Variants in AKAP6 observed in about 807,000 individuals in gnomAD.
AKAP6 encodes A-kinase anchoring protein 6.
In AKAP6, 58 loss-of-function variants were observed where a neutral mutation model predicts 188.5. That is an observed-to-expected ratio of 0.31 (90% CI 0.25 to 0.38). The LOEUF (loss-of-function observed/expected upper bound fraction) is 0.38. AKAP6 is among the 10% of genes least tolerant of loss of function. The probability of loss-of-function intolerance (pLI) is 1.00; values close to 1 mark genes in which losing one functional copy is unlikely to be tolerated. For missense variants in AKAP6, 2,710 were observed against 2,740.0 expected (o/e 0.99, Z 0.24); for synonymous variants, 989 against 998.6 (o/e 0.99, Z 0.18).
At chr14:32,720,628 G>C (rs1389078982) in intron 9 of AKAP6, among the ~76,000 whole-genome samples, 1 of 152,178 alleles carries the variant, frequency 6.6e-6, no homozygotes, top group African/African-American at 2.4e-5. Flanking sequence ...AGAACAGCTA[G>C]AATCAAAGAT....
At chr14:32,440,540 T>C (rs1342935808) in intron 2 of AKAP6, among the ~76,000 whole-genome samples, 2 of 152,196 alleles carry the variant, frequency 1.3e-5, no homozygotes, top group Non-Finnish European at 2.9e-5. Context: ...ATGTATTTTT[T>C]TGAATCAACG....
intron 1 of AKAP6, among the ~76,000 whole-genome samples, chr14:32,333,714 A>AT (rs1352517005): frequency 2.0e-5 from 3 of 152,014 alleles, no homozygotes; most frequent in African/African-American, 7.2e-5. Context: ...GGCAATTAGT[A>AT]TTTTTTTGGT....
At chr14:32,419,254 A>G (rs553171441) in intron 1 of AKAP6, among the ~76,000 whole-genome samples, 47 of 152,338 alleles carry the variant, frequency 3.1e-4, no homozygotes, top group African/African-American at 1.1e-3. Flanking sequence ...CTGGATATTA[A>G]CAGCCCTTGC....
At chr14:32,745,773 C>A (rs1165872457) in intron 11 of AKAP6, among the ~76,000 whole-genome samples, 1 of 152,194 alleles carries the variant, frequency 6.6e-6, no homozygotes, top group Non-Finnish European at 1.5e-5. Flanking sequence ...TTCTCCCAGG[C>A]CCCTGTTGGG....
At position 32,438,327 on chromosome 14, in the gene AKAP6, T is replaced by G. The variant is rs530235250; in HGVS notation, c.324+4510T>G. ...TCTCACATCCCCCTTTTTGTTGTAC[T>G]CCTTCTTTGGTAATGATTTCGGTTA... is the stretch of plus-strand genomic sequence containing the variant. On this transcript the variant is annotated intron_variant, in intron 2 of 13. Transcript: ENST00000280979. 4.6e-5 allele frequency among the ~76,000 whole-genome samples: 7 copies of G among 152,314 alleles called. No homozygotes were observed. In the East Asian group the frequency reaches 1.4e-3, roughly 29 times the overall value.
intron 3 of AKAP6, among the ~76,000 whole-genome samples, chr14:32,536,993 T>G (rs1188031666): frequency 6.6e-6 from 1 of 152,220 alleles, no homozygotes; most frequent in East Asian, 1.9e-4. Context: ...TATAAGGCAC[T>G]TACATTAATA....
chr14:32,759,149 G>T (rs2032451387), intron 11 of AKAP6, among the ~76,000 whole-genome samples: 2 of 152,120 alleles, frequency 1.3e-5, no homozygotes, highest in African/African-American at 4.8e-5. Context: ...GCTCTAAATG[G>T]CTGATTAAAT....
At chr14:32,827,122 C>T (rs1018323083) in intron 13 of AKAP6, among the ~76,000 whole-genome samples, 1 of 152,096 alleles carries the variant, frequency 6.6e-6, no homozygotes, top group Non-Finnish European at 1.5e-5. Flanking sequence ...ATTATTTAAT[C>T]TCAAAATGTT....
rs534187616 is a variant in AKAP6 at position 32,803,368 on chromosome 14, C to G, written c.3589-18034C>G. Among the ~76,000 whole-genome samples, 164 of 151,630 alleles carry G rather than the reference C, an allele frequency of 1.1e-3. 3 individuals carry two copies. The highest frequency in any genetic ancestry group is 4.0e-3 in the South Asian group (19 of 4,796). ...TGCTGATCATGTCGGGTATACATAA[C>G]AAGCCATCAAATATTTACAGGTGTT... is the stretch of plus-strand genomic sequence containing the variant. On this transcript the variant is annotated intron_variant, in intron 12 of 13. Coordinates refer to ENST00000280979, the MANE Select transcript of AKAP6 (RefSeq NM_004274.5).
chr14:32,616,629 G>A (rs1304490896), intron 7 of AKAP6, among the ~76,000 whole-genome samples: 1 of 151,974 alleles, frequency 6.6e-6, no homozygotes, highest in African/African-American at 2.4e-5. Flanking sequence ...GAAAGCATTA[G>A]GAAAAATAAC....
intron 1 of AKAP6, among the ~76,000 whole-genome samples, chr14:32,379,597 A>G (rs1888278276): frequency 6.6e-6 from 1 of 150,900 alleles, no homozygotes; most frequent in Non-Finnish European, 1.5e-5. Flanking sequence ...CTCTTTAATG[A>G]TGTCAGCCCC....
intron 1 of AKAP6, among the ~76,000 whole-genome samples, chr14:32,378,917 CTT>C (rs56131134): frequency 0.85 from 100,296 of 117,832 alleles, 42,995 homozygotes; most frequent in South Asian, 0.96. Context: ...GTCTTTCTTC[CTT>C]TTTTTTTTTT....
In AKAP6 at chr14:32,546,085, A is replaced by C. The variant is rs759180786; in HGVS notation, c.1432A>C (p.Ile478Leu). Residue 478 changes from isoleucine to leucine, a missense_variant, in exon 4 of 14, where the codon ATT (isoleucine) becomes CTT (leucine). By Grantham distance (5) the Ile-to-Leu change is conservative (BLOSUM62 2). Around this residue, in one of 2 missense-constraint regions of AKAP6, gnomAD observed 2,473 missense variants for 2,426.1 expected, o/e 1.02. Coordinates refer to ENST00000280979, the MANE Select transcript of AKAP6 (RefSeq NM_004274.5). Reference sequence around the variant, plus strand: ...CACAGTCAAATTTCACATTAAAGAAATTTCTTCCAGCCTGGGAAGGCTTAA... The same window carrying C: ...CACAGTCAAATTTCACATTAAAGAACTTTCTTCCAGCCTGGGAAGGCTTAA... Reference protein sequence around the residue: ...ENTVKFHIKEISSSLGRLNDC... With the variant: ...ENTVKFHIKELSSSLGRLNDC... 1 of 1,614,132 alleles carries C rather than the reference A, an allele frequency of 6.2e-7. No homozygotes were observed. The highest frequency in any genetic ancestry group is 8.5e-7 in the Non-Finnish European group (1 of 1,180,010).
chr14:32,797,169 A>G (rs1036556784), intron 12 of AKAP6, among the ~76,000 whole-genome samples: 2 of 152,226 alleles, frequency 1.3e-5, no homozygotes, highest in African/African-American at 2.4e-5. Context: ...ACACTTTTAC[A>G]CTGTTGGTGG....
intron 9 of AKAP6, among the ~76,000 whole-genome samples, chr14:32,728,495 C>T (rs1351079477): frequency 1.3e-5 from 2 of 151,858 alleles, no homozygotes; most frequent in Non-Finnish European, 2.9e-5. Flanking sequence ...GACATTCAAT[C>T]CTGTCATTCT....
intron 2 of AKAP6, among the ~76,000 whole-genome samples, chr14:32,456,733 G>A (rs1043727213): frequency 1.3e-5 from 2 of 152,198 alleles, no homozygotes; most frequent in African/African-American, 4.8e-5. Context: ...CAGAGTCAGA[G>A]AAGAGGATCT....
rs530425556 is a variant in AKAP6, at chr14:32,625,015, T to C, written c.2730+24223T>C. ...AGTGAATAATTAAAATAAATTTAAA[T>C]TCAAATATTAACATTTCAATTTCCA... On this transcript the variant is annotated intron_variant, in intron 7 of 13. Coordinates refer to ENST00000280979, the MANE Select transcript of AKAP6 (RefSeq NM_004274.5). Among the ~76,000 whole-genome samples, 22 of 152,288 alleles carry C rather than the reference T, an allele frequency of 1.4e-4. No homozygotes were observed. The South Asian group carries it at 3.9e-3, about 27-fold the overall frequency.
chr14:32,785,597 A>G (rs1056793958), intron 12 of AKAP6, among the ~76,000 whole-genome samples: 2 of 152,188 alleles, frequency 1.3e-5, no homozygotes, highest in African/African-American at 2.4e-5. Flanking sequence ...GACAGTTAAT[A>G]TACGTGTGAA....
chr14:32,650,649 T>C (rs11846446), intron 7 of AKAP6, among the ~76,000 whole-genome samples: 27,038 of 151,960 alleles, frequency 0.18, 2,762 homozygotes, highest in Admixed American at 0.27. Context: ...ATACCATTAA[T>C]TTACCAAAAT....
Sources: gnomAD v4.1 joint callset for allele counts (sites outside exome capture counted in the v4.1 genomes callset) on GRCh38, gnomAD v4.1.1 for gene constraint, gnomAD v4.1.1 regional missense constraint, MANE v1.5 for transcripts, NCBI Gene and HGNC (gene_info 2026-07-23, HGNC 2026-07-21) for gene names.